Variants in TRNAU1AP observed in about 807,000 individuals in gnomAD.
TRNAU1AP encodes the protein tRNA selenocysteine 1 associated protein 1.
TRNAU1AP carries 33 observed loss-of-function variants against 43.3 expected under a neutral mutation model. The ratio of observed to expected loss-of-function variants is 0.76; its 90% CI spans 0.58 to 1.02. TRNAU1AP has a LOEUF of 1.02. Among genes scored for constraint, TRNAU1AP ranks in the 50% least tolerant of loss-of-function variants. The pLI is 0.00. For synonymous variants in TRNAU1AP, 143 were observed against 129.1 expected (o/e 1.11, Z -0.73); for missense variants, 290 against 362.7 (o/e 0.80, Z 1.63).
chr1:28,575,231 TG>T (rs1665747838), intron 8 of TRNAU1AP, among the ~76,000 whole-genome samples: 1 of 151,890 alleles, frequency 6.6e-6, no homozygotes, highest in Non-Finnish European at 1.5e-5. Flanking sequence ...CTCGACCCAC[TG>T]TAACCTCTGC....
chr1:28,569,446 C>G (rs957400232), intron 6 of TRNAU1AP, among the ~76,000 whole-genome samples: 1 of 151,942 alleles, frequency 6.6e-6, no homozygotes, highest in Admixed American at 6.6e-5. Flanking sequence ...AATCCCAGCA[C>G]TTTGGGAGGC....
rs1381492227 is a variant in TRNAU1AP, at chr1:28,553,743, T to A, written c.125+6T>A. 2 of 1,612,680 alleles carry A rather than the reference T, an allele frequency of 1.2e-6. No individual in the cohort carries two copies. The highest frequency in any genetic ancestry group is 1.7e-6 in the Non-Finnish European group (2 of 1,178,808). On this transcript the variant is annotated splice_donor_region_variant and intron_variant, in intron 2 of 8. Coordinates refer to ENST00000373830, the MANE Select transcript of TRNAU1AP (RefSeq NM_017846.5). The stretch of plus-strand genomic sequence containing the variant: ...ATCCGAAACCGCCTCACTGGGTAAG[T>A]CTCATCTCAGGTCTCTCTTAATACA...
intron 2 of TRNAU1AP, among the ~76,000 whole-genome samples, chr1:28,558,731 ATTTT>A (rs1359223514): frequency 6.6e-6 from 1 of 151,464 alleles, no homozygotes; most frequent in Non-Finnish European, 1.5e-5. Context: ...CGCCTGGCTA[ATTTT>A]TTTGCATTTT....
intron 2 of TRNAU1AP, among the ~76,000 whole-genome samples, chr1:28,555,893 G>T (rs1382886209): frequency 2.7e-5 from 4 of 146,390 alleles, no homozygotes; most frequent in Non-Finnish European, 6.0e-5. Context: ...TTGCTCTGTG[G>T]CCCAGGCTGG....
At chr1:28,577,251 A>C (rs770154619) in intron 8 of TRNAU1AP, among the ~76,000 whole-genome samples, 1 of 152,234 alleles carries the variant, frequency 6.6e-6, no homozygotes, top group Non-Finnish European at 1.5e-5. Context: ...TCTAGGATAC[A>C]TGATGGCTAG....
At chr1:28,560,941 G>C in intron 3 of TRNAU1AP, 1 of 929,932 alleles carries the variant, frequency 1.1e-6, no homozygotes, top group South Asian at 2.0e-5. Flanking sequence ...GCAGAGCCAG[G>C]ATTCAGACTG....
chr1:28,576,050 A>G (rs895298696), intron 8 of TRNAU1AP, among the ~76,000 whole-genome samples: 1 of 142,164 alleles, frequency 7.0e-6, no homozygotes, highest in African/African-American at 2.7e-5. Context: ...GAGTAGAGAC[A>G]GGGTTTCACC....
rs1361706341 is a variant in TRNAU1AP, at chr1:28,578,272, A to T, written c.*636A>T. ...CACGGGAGAAGGCAGCTCAGAAAGG[A>T]TTAAGGAAGATAGCTCAAAGCCAAA... On this transcript the variant is annotated 3_prime_UTR_variant, in exon 9 of 9. Transcript: ENST00000373830. 1 of 164,128 alleles carries T rather than the reference A, an allele frequency of 6.1e-6. No individual in the cohort carries two copies. Among genetic ancestry groups the T allele is most frequent in the East Asian group, 1.8e-4 (1 of 5,680 alleles). 10.2% of individuals were successfully genotyped at this position (164,128 alleles called of 1,614,324 possible). A position where few individuals can be genotyped will look rare whatever the true frequency, so the allele number is the denominator to read the frequency against.
chr1:28,571,062 C>T, intron 6 of TRNAU1AP, 114 bp from the exon 7 acceptor site: 1 of 1,036,110 alleles, frequency 9.7e-7, no homozygotes, highest in Non-Finnish European at 1.4e-6. Flanking sequence ...AAGACTCTGT[C>T]TCAAGAAAAA....
intron 6 of TRNAU1AP, among the ~76,000 whole-genome samples, chr1:28,568,709 G>T (rs1173154619): frequency 6.6e-6 from 1 of 152,048 alleles, no homozygotes; most frequent in African/African-American, 2.4e-5. Flanking sequence ...GTGGGTATCG[G>T]CCAAGGATAC....
chr1:28,561,135 A>G (rs1318147097), intron 3 of TRNAU1AP: 3 of 1,413,014 alleles, frequency 2.1e-6, no homozygotes, highest in Non-Finnish European at 2.8e-6. Flanking sequence ...CAGCTGCACC[A>G]GCTGGCACAC....
At chr1:28,575,856 C>CTTTT (rs34983069) in intron 8 of TRNAU1AP, among the ~76,000 whole-genome samples, 6 of 60,732 alleles carry the variant, frequency 9.9e-5, no homozygotes, top group Non-Finnish European at 1.9e-4. Flanking sequence ...CTGCGCCTGG[C>CTTTT]TTTTTTTTTT....
chr1:28,557,808 C>T (rs1017872011), intron 2 of TRNAU1AP, among the ~76,000 whole-genome samples: 1 of 151,926 alleles, frequency 6.6e-6, no homozygotes, highest in African/African-American at 2.4e-5. Flanking sequence ...AGGATAGTCT[C>T]GATCTCTTGA....
chr1:28,559,263 A>G (rs929563647), intron 2 of TRNAU1AP, among the ~76,000 whole-genome samples: 5 of 151,988 alleles, frequency 3.3e-5, no homozygotes, highest in Admixed American at 2.6e-4. Flanking sequence ...TTTAATGTAT[A>G]AAAGCCAACC....
At chr1:28,555,847 AT>A (rs1427499624) in intron 2 of TRNAU1AP, among the ~76,000 whole-genome samples, 2 of 127,924 alleles carry the variant, frequency 1.6e-5, no homozygotes, top group South Asian at 2.5e-4. Flanking sequence ...AACCTTTCTC[AT>A]TTTTTTTTCT....
At chr1:28,559,989 A>C (rs764138868) in intron 2 of TRNAU1AP, among the ~76,000 whole-genome samples, 1 of 151,822 alleles carries the variant, frequency 6.6e-6, no homozygotes, top group Non-Finnish European at 1.5e-5. Flanking sequence ...AAAATTAGCC[A>C]GGCATGGTGG....
chr1:28,577,669 TG>T lies in TRNAU1AP; in HGVS notation c.*34del. On this transcript the variant is annotated 3_prime_UTR_variant, in exon 9 of 9. Transcript: ENST00000373830. ...AAAGGACAAGCCAGGTTGCATGATG[TG>T]AGGGAGATGAGAGACTCCTTTTTAA... The T allele has an allele frequency of 6.4e-7, 1 of 1,565,146 alleles. No individual in the cohort carries two copies. Among genetic ancestry groups the T allele is most frequent in the Non-Finnish European group, 8.6e-7 (1 of 1,156,430 alleles).
At chr1:28,564,879 C>A in intron 5 of TRNAU1AP, 45 bp downstream of exon 5, 1 of 1,611,772 alleles carries the variant, frequency 6.2e-7, no homozygotes. Flanking sequence ...TTAGTTTCAG[C>A]CTTTCTCTCC....
intron 5 of TRNAU1AP, 136 bp downstream of exon 5, chr1:28,564,970 C>T (rs1327957159): frequency 3.8e-6 from 4 of 1,041,032 alleles, no homozygotes; most frequent in Admixed American, 2.1e-5. Flanking sequence ...TGGTTCAAAT[C>T]CCAGCTCCAA....
Sources: gnomAD v4.1 joint callset for allele counts (sites outside exome capture counted in the v4.1 genomes callset) on GRCh38, gnomAD v4.1.1 for gene constraint, MANE v1.5 for transcripts, NCBI Gene and HGNC (gene_info 2026-07-23, HGNC 2026-07-21) for gene names.